Variants in MICAL3 observed in about 807,000 individuals in gnomAD.
MICAL3 encodes microtubule associated monooxygenase, calponin and LIM domain containing 3.
MICAL3 carries 62 observed loss-of-function variants against 207.4 expected under a neutral mutation model. That is an observed-to-expected ratio of 0.30 (90% confidence interval 0.24 to 0.37). MICAL3 has a LOEUF of 0.37. MICAL3 is among the 10% of genes least tolerant of loss of function. MICAL3 has a pLI of 1.00. For missense variants in MICAL3, 2,368 were observed against 2,635.6 expected (o/e 0.90, Z 2.22); for synonymous variants, 1,077 against 1,069.3 (o/e 1.01, Z -0.14).
chr22:17,852,305 A>G (rs1325879932), intron 19 of MICAL3, among the ~76,000 whole-genome samples: 2 of 152,226 alleles, frequency 1.3e-5, no homozygotes, highest in Non-Finnish European at 2.9e-5. Context: ...TAAAACGTCA[A>G]TCACAGTCAC....
chr22:17,797,043 G>A (rs1221518165), intron 29 of MICAL3, among the ~76,000 whole-genome samples: 2 of 152,112 alleles, frequency 1.3e-5, no homozygotes, highest in African/African-American at 4.8e-5. Flanking sequence ...CCGGGCAGCT[G>A]GAAAAACAAG....
chr22:18,006,724 T>TG (rs1165120808), intron 1 of MICAL3: 1 of 152,178 alleles, frequency 6.6e-6, no homozygotes, highest in African/African-American at 2.4e-5. Flanking sequence ...TCCCAGCTAC[T>TG]GGGGAGGCTG....
intron 1 of MICAL3, among the ~76,000 whole-genome samples, chr22:17,993,276 G>A (rs1361478237): frequency 6.6e-6 from 1 of 151,048 alleles, no homozygotes; most frequent in Non-Finnish European, 1.5e-5. Flanking sequence ...TTTACTTTAA[G>A]TTCCGGGATA....
At chr22:17,804,420 G>T (rs2061969638) in intron 29 of MICAL3, among the ~76,000 whole-genome samples, 2 of 152,328 alleles carry the variant, frequency 1.3e-5, no homozygotes, top group East Asian at 3.9e-4. Flanking sequence ...TTGCCGAATG[G>T]GTTTGAGAGA....
At chr22:17,955,804 A>C (rs528929734) in intron 1 of MICAL3, among the ~76,000 whole-genome samples, 2 of 152,220 alleles carry the variant, frequency 1.3e-5, no homozygotes, top group Non-Finnish European at 2.9e-5. Context: ...AATAGATCTC[A>C]TGCCTGAGAA....
chr22:17,904,317 A>G (rs866815303), intron 3 of MICAL3, among the ~76,000 whole-genome samples: 4 of 152,226 alleles, frequency 2.6e-5, no homozygotes, highest in African/African-American at 9.6e-5. Flanking sequence ...TCGTTTCCCC[A>G]GTGCCTGCCC....
Position 17,818,484 on chromosome 22 carries a change from T to C in MICAL3, c.4177A>G (p.Lys1393Glu), listed in dbSNP as rs770809077. The change falls in exon 26 of 32, where the codon AAG (lysine) becomes GAG (glutamate). Residue 1393 changes from lysine (K) to glutamate (E), a missense_variant. Around this residue, in one of 4 missense-constraint regions of MICAL3, gnomAD observed 1,770 missense variants for 1,863.2 expected, o/e 0.95. Transcript: ENST00000441493. ...AGGGACAACGGCTCGCCTTCCGGCTTTGGCAGGCCCAGCCTTTTGGGGATG... is the reference window on the plus strand; with the variant it reads ...AGGGACAACGGCTCGCCTTCCGGCTCTGGCAGGCCCAGCCTTTTGGGGATG... ...LSIPKRLGLPKPEGEPLSLPT... is the reference protein window; with the variant it reads ...LSIPKRLGLPEPEGEPLSLPT... The C allele has an allele frequency of 7.4e-6, 12 of 1,612,892 alleles. No individual in the cohort carries two copies. In the South Asian group the frequency reaches 1.3e-4, roughly 18 times the overall value.
chr22:17,961,564 A>G lies in MICAL3; in HGVS notation c.-74-54678T>C, dbSNP rs887193990. Among the ~76,000 whole-genome samples, 5 of 152,000 alleles carry G rather than the reference A, an allele frequency of 3.3e-5. No individual in the cohort carries two copies. In the East Asian group the frequency reaches 5.8e-4, roughly 18 times the overall value. On this transcript the variant is annotated intron_variant, in intron 1 of 31. Transcript: ENST00000441493. ...TCTCACACCCATGGGATCTGCTCCCAGAGCCCCTTGCCAAGCCTGAACAGG... is the reference window on the plus strand; with the variant it reads ...TCTCACACCCATGGGATCTGCTCCCGGAGCCCCTTGCCAAGCCTGAACAGG...
chr22:17,883,535 C>T (rs1473791345), intron 16 of MICAL3, among the ~76,000 whole-genome samples: 11 of 152,168 alleles, frequency 7.2e-5, no homozygotes, highest in Non-Finnish European at 1.6e-4. Flanking sequence ...TAAATGATAT[C>T]GGACAACGAG....
Position 17,895,543 on chromosome 22 carries a change from T to C in MICAL3, c.1323-133A>G, listed in dbSNP as rs1602168095. The C allele has an allele frequency of 4.7e-6, 5 of 1,054,594 alleles. No individual in the cohort carries two copies. In the South Asian group the frequency reaches 6.1e-5, roughly 13 times the overall value. The allele number at this position is 1,054,594 out of a possible 1,614,324, so 65.3% of individuals were successfully genotyped here. On this transcript the variant is annotated intron_variant, in intron 9 of 31. Coordinates refer to ENST00000441493, the MANE Select transcript of MICAL3 (RefSeq NM_015241.3). ...AAATCCTCATCCTTGACCAGTCTTC[T>C]TGAGTCCTACGTCAGCCCCTGCTCC...
chr22:17,899,419 AAG>A (rs1441445296), intron 7 of MICAL3, 27 bp downstream of exon 7: 10 of 1,406,774 alleles, frequency 7.1e-6, no homozygotes, highest in Non-Finnish European at 1.0e-5. Flanking sequence ...TTCAATAAGA[AAG>A]AGTTTTGAAG....
At chr22:17,862,696 A>T (rs1457392970) in intron 19 of MICAL3, 1 of 985,268 alleles carries the variant, frequency 1.0e-6, no homozygotes, top group South Asian at 4.7e-5. Context: ...AATACTGCCC[A>T]TAATCCTGTT....
At chr22:17,892,296 G>A (rs1930457648) in intron 11 of MICAL3, among the ~76,000 whole-genome samples, 1 of 152,166 alleles carries the variant, frequency 6.6e-6, no homozygotes, top group Non-Finnish European at 1.5e-5. Flanking sequence ...ACAGTTCATT[G>A]AAACGTCTTC....
chr22:17,868,944 C>T (rs995292031), intron 17 of MICAL3, among the ~76,000 whole-genome samples: 6 of 152,146 alleles, frequency 3.9e-5, no homozygotes, highest in South Asian at 2.1e-4. Flanking sequence ...ACCACACAGG[C>T]GCACCGGTGC....
intron 29 of MICAL3, among the ~76,000 whole-genome samples, chr22:17,798,740 C>G (rs1024122919): frequency 2.8e-5 from 4 of 143,510 alleles, no homozygotes; most frequent in Non-Finnish European, 6.0e-5. Flanking sequence ...GTGGCGCGAT[C>G]TCGGCTCACT....
chr22:17,979,805 C>A (rs938253665), intron 1 of MICAL3, among the ~76,000 whole-genome samples: 1 of 150,762 alleles, frequency 6.6e-6, no homozygotes, highest in South Asian at 2.1e-4. Flanking sequence ...AAAAAAAAAA[C>A]CCACAGGTTT....
chr22:17,875,212 TG>T (rs1278043230), intron 16 of MICAL3: 3 of 302,092 alleles, frequency 9.9e-6, no homozygotes, highest in African/African-American at 4.4e-5. Flanking sequence ...TCAACAGACC[TG>T]GATGTGTCAG....
chr22:17,791,708 G>A lies in MICAL3; in HGVS notation c.5651-407C>T, dbSNP rs1052261213. 3.3e-5 allele frequency: 7 copies of A among 214,202 alleles called. No homozygotes were observed. The East Asian group carries it at 8.3e-4, about 25-fold the overall frequency. 13.3% of individuals were successfully genotyped at this position (214,202 alleles called of 1,614,324 possible). Reference sequence around the variant, plus strand: ...TGTTAAACGAGACAAATGTGAATTTGTAAACTGCACCCTGCCCTCAGGTCA... The same window carrying A: ...TGTTAAACGAGACAAATGTGAATTTATAAACTGCACCCTGCCCTCAGGTCA... On this transcript the variant is annotated intron_variant, in intron 29 of 31. Transcript: ENST00000441493.
chr22:17,895,310 T>C lies in MICAL3; in HGVS notation c.1423A>G (p.Asn475Asp). ...IDPVTRYPNI[N>D]VNFLRPSQVR... ...TGGCTTGGCCGGAGGAAGTTGACGTTGATATTGGGATACCGAGTGACAGGG... is the reference window on the plus strand; with the variant it reads ...TGGCTTGGCCGGAGGAAGTTGACGTCGATATTGGGATACCGAGTGACAGGG... The change falls in exon 10 of 32, where the codon AAC (asparagine) becomes GAC (aspartate). Residue 475 changes from asparagine (N) to aspartate (D), a missense_variant. Asn to Asp is a conservative substitution (Grantham distance 23). This residue lies in a region of MICAL3 where 147 missense variants were observed against 137.7 expected (regional missense o/e 1.07). Transcript: ENST00000441493. 1.2e-6 allele frequency: 2 copies of C among 1,613,686 alleles called. No homozygotes were observed. Among genetic ancestry groups the C allele is most frequent in the Non-Finnish European group, 1.7e-6 (2 of 1,179,720 alleles).
Sources: allele counts gnomAD v4.1 joint callset (sites outside exome capture counted in the v4.1 genomes callset), GRCh38; gene constraint gnomAD v4.1.1; regional missense constraint gnomAD v4.1.1; transcripts MANE v1.5; gene names NCBI Gene and HGNC (gene_info 2026-07-23, HGNC 2026-07-21).